INTS3: variants seen among roughly 807,000 people sequenced by gnomAD.
INTS3 encodes the protein SOSS complex subunit A.
INTS3 carries 34 observed loss-of-function variants against 146.3 expected under a neutral mutation model. That is an observed-to-expected ratio of 0.23 (90% CI 0.18 to 0.31). The LOEUF is 0.31. Among genes scored for constraint, INTS3 ranks in the 10% least tolerant of loss-of-function variants. The pLI is 1.00. For synonymous variants in INTS3, 475 were observed against 494.9 expected (o/e 0.96, Z 0.53); for missense variants, 757 against 1,304.2 (o/e 0.58, Z 6.46).
rs1200261059 is a variant in INTS3, at chr1:153,773,465, C to G, written c.*195C>G. 2.4e-5 allele frequency: 15 copies of G among 620,144 alleles called. No individual in the cohort carries two copies. The highest frequency in any genetic ancestry group is 3.8e-5 in the Non-Finnish European group (13 of 341,244). The allele number at this position is 620,144 out of a possible 1,614,324, so 38.4% of individuals were successfully genotyped here. On this transcript the variant is annotated 3_prime_UTR_variant, in exon 30 of 30. Transcript: ENST00000318967. ...GCAGCCCCTAGCCCCTTCCCTCCTCCTGGGGCCTCCAGCCCCTCACACTGC... is the reference window on the plus strand; with the variant it reads ...GCAGCCCCTAGCCCCTTCCCTCCTCGTGGGGCCTCCAGCCCCTCACACTGC...
intron 20 of INTS3, among the ~76,000 whole-genome samples, chr1:153,765,884 G>A (rs1672560753): frequency 6.6e-6 from 1 of 152,012 alleles, no homozygotes; most frequent in African/African-American, 2.4e-5. Context: ...TAATTTTTTA[G>A]TATATTCACA....
At chr1:153,742,664 G>T (rs572077557) in intron 3 of INTS3, among the ~76,000 whole-genome samples, 2 of 152,274 alleles carry the variant, frequency 1.3e-5, no homozygotes, top group Middle Eastern at 3.4e-3. Flanking sequence ...CTAAGTGAAG[G>T]GGGCAGAGTA....
At chr1:153,759,476 G>C (rs1161752940) in intron 10 of INTS3, 50 bp from the exon 11 acceptor site, 1 of 1,204,330 alleles carries the variant, frequency 8.3e-7, no homozygotes, top group African/African-American at 1.5e-5. Context: ...CTGAAATGGA[G>C]GGGGGTGATT....
At position 153,767,746 on chromosome 1, in the gene INTS3, C is replaced by T. The variant is rs1672649827; in HGVS notation, c.2163C>T (p.Thr721=). Residue 721 remains threonine, a synonymous_variant, in exon 21 of 30, where the codon ACC becomes ACT. Coordinates refer to ENST00000318967, the MANE Select transcript of INTS3 (RefSeq NM_023015.5). ...CTACCCAGCTGGGCGATCTGCACAC[C>T]TGCCTGATGATGGACATGAAGGCCT... ...AQATQLGDLH[T]CLMMDMKACQ... The T allele has an allele frequency of 6.2e-7, 1 of 1,613,380 alleles. No individual in the cohort carries two copies. The highest frequency in any genetic ancestry group is 8.5e-7 in the Non-Finnish European group (1 of 1,179,692).
At chr1:153,732,535 T>C (rs1338551827) in intron 1 of INTS3, among the ~76,000 whole-genome samples, 6 of 151,630 alleles carry the variant, frequency 4.0e-5, no homozygotes, top group African/African-American at 1.5e-4. Context: ...AACCTCTGCC[T>C]CCTGTGTTCA....
chr1:153,764,963 G>A lies in INTS3; in HGVS notation c.1990G>A (p.Glu664Lys). Reference protein sequence around the residue: ...LIFRNLCQMQEDNSSFSLLLD... With the variant: ...LIFRNLCQMQKDNSSFSLLLD... The stretch of plus-strand genomic sequence containing the variant: ...CTCCAGGAACCTATGTCAGATGCAG[G>A]AAGACAACAGCAGCTTCTCTCTACT... Residue 664 changes from glutamate to lysine, a missense_variant, in exon 20 of 30, where the codon GAA becomes AAA. Physicochemically the swap from Glu to Lys is moderately conservative, Grantham distance 56. Coordinates refer to ENST00000318967, the MANE Select transcript of INTS3 (RefSeq NM_023015.5). The A allele has an allele frequency of 6.2e-7, 1 of 1,614,136 alleles. No homozygotes were observed. The highest frequency in any genetic ancestry group is 8.5e-7 in the Non-Finnish European group (1 of 1,180,002).
At chr1:153,756,592 G>A (rs1341191256) in intron 9 of INTS3, among the ~76,000 whole-genome samples, 2 of 152,082 alleles carry the variant, frequency 1.3e-5, no homozygotes. Flanking sequence ...AAGGCGGGTG[G>A]ATCACTTGAG....
At chr1:153,745,162 T>C (rs1436320236) in intron 3 of INTS3, among the ~76,000 whole-genome samples, 2 of 25,800 alleles carry the variant, frequency 7.8e-5, no homozygotes, top group Non-Finnish European at 1.4e-4. Context: ...CTTGCTGTAC[T>C]TTTTTTTTTT....
intron 3 of INTS3, among the ~76,000 whole-genome samples, chr1:153,742,514 G>A (rs921069972): frequency 2.6e-5 from 4 of 151,450 alleles, no homozygotes; most frequent in African/African-American, 7.3e-5. Flanking sequence ...GTGTGCGTGC[G>A]CATCATTGGC....
chr1:153,762,437 T>C (rs1672417853), intron 14 of INTS3, among the ~76,000 whole-genome samples: 1 of 152,206 alleles, frequency 6.6e-6, no homozygotes, highest in South Asian at 2.1e-4. Context: ...AGAGTGAGAC[T>C]AGCACTTCGG....
intron 1 of INTS3, among the ~76,000 whole-genome samples, chr1:153,733,008 G>T (rs1422688580): frequency 6.6e-6 from 1 of 150,810 alleles, no homozygotes. Flanking sequence ...GTTTCACCAT[G>T]TTGGTCAGGC....
Position 153,741,273 on chromosome 1 carries a change from C to T in INTS3, c.235-12C>T. On this transcript the variant is annotated splice_polypyrimidine_tract_variant and intron_variant, in intron 2 of 29. Coordinates refer to ENST00000318967, the MANE Select transcript of INTS3 (RefSeq NM_023015.5). ...AGTGACAACTAGTTTGTTTTCCTTT[C>T]TCACATTCCAGGTGTGCAAAGGCCT... 2 of 1,608,892 alleles carry T rather than the reference C, an allele frequency of 1.2e-6. No homozygotes were observed. The highest frequency in any genetic ancestry group is 2.2e-5 in the South Asian group (2 of 90,988).
In INTS3 at chr1:153,763,893, A is replaced by G; in HGVS notation, c.1821+7A>G. 1 of 1,613,156 alleles carries G rather than the reference A, an allele frequency of 6.2e-7. No individual in the cohort carries two copies. The highest frequency in any genetic ancestry group is 8.5e-7 in the Non-Finnish European group (1 of 1,179,300). ...TGTGGACCAGGTCCTGGAGGTGAGG[A>G]GGAACCCAATCCCTTAGGGAGGAAG... is the stretch of plus-strand genomic sequence containing the variant. On this transcript the variant is annotated splice_region_variant and intron_variant, in intron 17 of 29. Transcript: ENST00000318967.
At chr1:153,760,731 C>G in intron 12 of INTS3, 96 bp from the exon 13 acceptor site, 1 of 977,076 alleles carries the variant, frequency 1.0e-6, no homozygotes, top group South Asian at 1.3e-5. Flanking sequence ...CCCCAGTGTC[C>G]CCTGATCAAA....
In INTS3 at chr1:153,763,987, T is replaced by C; in HGVS notation, c.1821+101T>C. The C allele has an allele frequency of 5.4e-6, 7 of 1,302,672 alleles. No individual in the cohort carries two copies. In the South Asian group the frequency reaches 8.3e-5, roughly 16 times the overall value. 80.7% of individuals were successfully genotyped at this position (1,302,672 alleles called of 1,614,324 possible). A position where few individuals can be genotyped will look rare whatever the true frequency, so the allele number is the denominator to read the frequency against. ...TCACTTTTTCCCTCCCCTAGATGAG[T>C]CCCTCTTATAGTGGGGAGGGGAGCT... On this transcript the variant is annotated intron_variant, in intron 17 of 29. Transcript: ENST00000318967.
chr1:153,770,057 GGGTGT>G (rs1172517294), intron 23 of INTS3, 136 bp from the exon 24 acceptor site: 95 of 451,846 alleles, frequency 2.1e-4, no homozygotes, highest in East Asian at 1.7e-3. Context: ...CAGTGGATTG[GGGTGT>G]GTGTGTGTGT....
At position 153,748,721 on chromosome 1, in the gene INTS3, G is replaced by A. The variant is rs776779190; in HGVS notation, c.550G>A (p.Ala184Thr). 2.8e-5 allele frequency: 45 copies of A among 1,614,144 alleles called. No individual in the cohort carries two copies. The highest frequency in any genetic ancestry group is 3.8e-5 in the Non-Finnish European group (45 of 1,180,018). The change falls in exon 6 of 30, where the codon GCA becomes ACA. Residue 184 changes from alanine to threonine, a missense_variant. Physicochemically the swap from Ala to Thr is moderately conservative, Grantham distance 58 (BLOSUM62 0). Around this residue, in one of 8 missense-constraint regions of INTS3, gnomAD observed 134 missense variants for 243.1 expected, o/e 0.55. Transcript: ENST00000318967. ...GDVTAKNIWL[A>T]ESVLDILTEQ... ...TGTTACAGCCAAAAATATCTGGTTG[G>A]CAGAAAGTGTTCTGGATATCCTGAC...
At chr1:153,741,500 T>A in intron 3 of INTS3, 132 bp downstream of exon 3, 1 of 650,326 alleles carries the variant, frequency 1.5e-6, no homozygotes, top group Non-Finnish European at 2.7e-6. Context: ...CAAATATAGT[T>A]ACAAGTCCCT....
At position 153,748,426 on chromosome 1, in the gene INTS3, A is replaced by C. The variant is rs1671834063; in HGVS notation, c.518-263A>C. ...TCAGACGTTCATTTTCAAGGGCCAA[A>C]ATGTTCCCACTCCAACTCACAATCT... On this transcript the variant is annotated intron_variant, in intron 5 of 29. Transcript: ENST00000318967. 1.0e-5 allele frequency: 5 copies of C among 500,084 alleles called. No individual in the cohort carries two copies. The Admixed American group carries it at 1.6e-4, about 16-fold the overall frequency. 31.0% of individuals were successfully genotyped at this position (500,084 alleles called of 1,614,324 possible). A position where few individuals can be genotyped will look rare whatever the true frequency, so the allele number is the denominator to read the frequency against.
Sources: gnomAD v4.1 joint callset for allele counts (sites outside exome capture counted in the v4.1 genomes callset) on GRCh38, gnomAD v4.1.1 for gene constraint, gnomAD v4.1.1 regional missense constraint, MANE v1.5 for transcripts, NCBI Gene and HGNC (gene_info 2026-07-23, HGNC 2026-07-21) for gene names.